The following TNNI3K variants were observed in gnomAD, a reference collection of about 807,000 sequenced individuals.
TNNI3K encodes the protein TNNI3 interacting kinase.
TNNI3K carries 140 observed loss-of-function variants against 114.5 expected under a neutral mutation model. The ratio of observed to expected loss-of-function variants is 1.22; its 90% CI spans 1.07 to 1.41. TNNI3K has a LOEUF of 1.41. Ranked by LOEUF, TNNI3K falls within the 40% of genes most tolerant of loss-of-function variation. The pLI, the probability that TNNI3K is intolerant of heterozygous loss-of-function variation, is 0.00. For synonymous variants in TNNI3K, 347 were observed against 347.5 expected, an observed-to-expected ratio of 1.00 and a Z score of 0.02; for missense variants, 1,125 against 1,007.6, an observed-to-expected ratio of 1.12 and a Z score of -1.58.
chr1:74,240,076 C>T (rs1570356119), intron 2 of TNNI3K: 1 of 398,254 alleles, frequency 2.5e-6, no homozygotes, highest in East Asian at 7.2e-5. Context: ...TGCCTCTAAT[C>T]TTTATCAACA....
intron 17 of TNNI3K, among the ~76,000 whole-genome samples, chr1:74,383,082 T>A (rs1663285609): frequency 6.6e-6 from 1 of 151,930 alleles, no homozygotes; most frequent in Non-Finnish European, 1.5e-5. Flanking sequence ...TTCTTTTTTT[T>A]TTTCTTTTCA....
chr1:74,454,457 G>A (rs920362353), intron 20 of TNNI3K, among the ~76,000 whole-genome samples: 1 of 152,094 alleles, frequency 6.6e-6, no homozygotes, highest in Non-Finnish European at 1.5e-5. Flanking sequence ...ACATATGAGC[G>A]AGAACATGTG....
At chr1:74,425,245 A>C (rs996064713) in intron 17 of TNNI3K, among the ~76,000 whole-genome samples, 1 of 152,072 alleles carries the variant, frequency 6.6e-6, no homozygotes, top group Non-Finnish European at 1.5e-5. Flanking sequence ...AGGTGAGTTT[A>C]TTGGAAAGCT....
At chr1:74,238,242 A>T (rs987074039) in intron 2 of TNNI3K, among the ~76,000 whole-genome samples, 2 of 152,052 alleles carry the variant, frequency 1.3e-5, no homozygotes, top group Non-Finnish European at 1.5e-5. Flanking sequence ...TCATACAAAC[A>T]TGGTTTTAAA....
At chr1:74,261,565 T>C (rs1570387758) in intron 4 of TNNI3K, among the ~76,000 whole-genome samples, 1 of 152,100 alleles carries the variant, frequency 6.6e-6, no homozygotes, top group East Asian at 1.9e-4. Context: ...CTAAATTGTA[T>C]TCCTAAAATG....
At chr1:74,447,347 G>T (rs948312267) in intron 20 of TNNI3K, among the ~76,000 whole-genome samples, 4 of 150,010 alleles carry the variant, frequency 2.7e-5, no homozygotes, top group African/African-American at 1.0e-4. Context: ...CTGTTTGTCT[G>T]TTGTTGGTGT....
At chr1:74,290,438 A>G (rs1657609083) in intron 5 of TNNI3K, among the ~76,000 whole-genome samples, 2 of 151,766 alleles carry the variant, frequency 1.3e-5, no homozygotes, top group South Asian at 4.1e-4. Flanking sequence ...TTAACCCAGG[A>G]AATTCACTTC....
intron 9 of TNNI3K, among the ~76,000 whole-genome samples, chr1:74,343,811 AAAAG>A (rs1017302568): frequency 1.3e-5 from 2 of 152,194 alleles, no homozygotes; most frequent in Non-Finnish European, 2.9e-5. Flanking sequence ...AGAGAAAAAG[AAAAG>A]AAAGAAAAGG....
chr1:74,403,357 T>C (rs1027035065), intron 17 of TNNI3K, among the ~76,000 whole-genome samples: 20 of 152,176 alleles, frequency 1.3e-4, no homozygotes, highest in African/African-American at 1.2e-4. Flanking sequence ...TTTTAACTTA[T>C]AAACATCAAG....
chr1:74,309,317 C>T (rs991230931), intron 5 of TNNI3K, among the ~76,000 whole-genome samples: 3 of 137,518 alleles, frequency 2.2e-5, no homozygotes, highest in South Asian at 2.5e-4. Flanking sequence ...TGCAGTGAGC[C>T]GAGATTGCGC....
chr1:74,524,904 T>C (rs1646483347), intron 23 of TNNI3K, among the ~76,000 whole-genome samples: 1 of 152,196 alleles, frequency 6.6e-6, no homozygotes, highest in Non-Finnish European at 1.5e-5. Flanking sequence ...GGATTGTTTC[T>C]AAAAGGATTG....
chr1:74,368,163 A>G (rs1662379531), intron 13 of TNNI3K, among the ~76,000 whole-genome samples, 199 bp downstream of exon 13: 2 of 151,924 alleles, frequency 1.3e-5, no homozygotes, highest in Admixed American at 6.6e-5. Context: ...ATAACAGTGA[A>G]AATTTCACAT....
intron 22 of TNNI3K, among the ~76,000 whole-genome samples, chr1:74,490,148 G>A (rs1342757761): frequency 6.6e-6 from 1 of 150,378 alleles, no homozygotes; most frequent in Non-Finnish European, 1.5e-5. Flanking sequence ...GAGTGGCTCT[G>A]TCTCATGACT....
At chr1:74,316,039 C>A (rs1294332407) in intron 5 of TNNI3K, among the ~76,000 whole-genome samples, 1 of 152,148 alleles carries the variant, frequency 6.6e-6, no homozygotes, top group Non-Finnish European at 1.5e-5. Context: ...TATACATTCA[C>A]TGATTCTTTT....
At chr1:74,439,726 G>A in intron 20 of TNNI3K, 104 bp downstream of exon 20, 4 of 1,502,202 alleles carry the variant, frequency 2.7e-6, no homozygotes, top group Non-Finnish European at 3.6e-6. Context: ...TCAGTGAGAT[G>A]GCAAAAGAGG....
At chr1:74,337,517 T>C (rs116467577) in intron 7 of TNNI3K, among the ~76,000 whole-genome samples, 1 of 152,188 alleles carries the variant, frequency 6.6e-6, no homozygotes, top group South Asian at 2.1e-4. Context: ...TTCTCTTAGA[T>C]GAATTAGATG....
chr1:74,427,519 A>C (rs751043261), intron 17 of TNNI3K, among the ~76,000 whole-genome samples: 1 of 152,078 alleles, frequency 6.6e-6, no homozygotes, highest in Non-Finnish European at 1.5e-5. Flanking sequence ...ACCTCTGTTC[A>C]TCCACGGTAC....
chr1:74,358,122 T>A (rs1216086615), intron 11 of TNNI3K, among the ~76,000 whole-genome samples: 1 of 152,122 alleles, frequency 6.6e-6, no homozygotes, highest in Non-Finnish European at 1.5e-5. Flanking sequence ...AAAGCACTCC[T>A]ATATGTCAGG....
chr1:74,364,646 T>G (rs1181418729), intron 11 of TNNI3K, among the ~76,000 whole-genome samples: 1 of 151,916 alleles, frequency 6.6e-6, no homozygotes, highest in Non-Finnish European at 1.5e-5. Flanking sequence ...GTTATTTAGC[T>G]GACTTTAAGA....
Sources: gnomAD v4.1 joint callset for allele counts (sites outside exome capture counted in the v4.1 genomes callset) on GRCh38, gnomAD v4.1.1 for gene constraint, MANE v1.5 for transcripts, NCBI Gene and HGNC (gene_info 2026-07-23, HGNC 2026-07-21) for gene names.